The following C2 variants were observed in gnomAD, a reference collection of about 807,000 sequenced individuals.
C2 encodes the protein C3/C5 convertase.
C2 carries 64 observed loss-of-function variants against 85.2 expected under a neutral mutation model. That is an observed-to-expected ratio of 0.75 (90% CI 0.61 to 0.92). The LOEUF (loss-of-function observed/expected upper bound fraction) is 0.92. Ranked by LOEUF, C2 falls within the 40% of genes least tolerant of loss-of-function variation. The pLI is 0.00. For missense variants in C2, 820 were observed against 971.6 expected (o/e 0.84, Z 2.07); for synonymous variants, 311 against 370.8 (o/e 0.84, Z 1.85).
At chr6:31,915,023 C>G (rs1159623831), upstream of C2, among the ~76,000 whole-genome samples, 2 of 152,132 alleles carry the variant, frequency 1.3e-5, no homozygotes, top group Non-Finnish European at 2.9e-5. Flanking sequence ...GTGGTCTATG[C>G]CTCAACGTTG....
intron 1 of C2, among the ~76,000 whole-genome samples, chr6:31,905,939 T>G (rs1331191071): frequency 6.6e-6 from 1 of 152,072 alleles, no homozygotes; most frequent in African/African-American, 2.4e-5. Context: ...TAGCAAACAT[T>G]GGACATTTGT....
intron 1 of C2, among the ~76,000 whole-genome samples, chr6:31,902,647 C>A (rs1003228425): frequency 1.3e-5 from 2 of 152,232 alleles, no homozygotes; most frequent in African/African-American, 4.8e-5. Context: ...AAGCTAGTAA[C>A]CGCCTCAGCC....
intron 6 of C2, chr6:31,934,652 A>G: frequency 4.6e-6 from 6 of 1,309,442 alleles, no homozygotes; most frequent in Non-Finnish European, 5.8e-6. Context: ...AATTTAAATC[A>G]GATTAATAAT....
intron 2 of C2, among the ~76,000 whole-genome samples, 158 bp from the exon 3 acceptor site, chr6:31,928,574 C>T (rs1174267980): frequency 2.0e-5 from 3 of 152,126 alleles, no homozygotes; most frequent in Admixed American, 6.5e-5. Context: ...AATCAGTTGC[C>T]AAAAACAGCA....
intron 1 of C2, among the ~76,000 whole-genome samples, chr6:31,902,390 C>T (rs923797745): frequency 1.3e-5 from 2 of 151,686 alleles, no homozygotes; most frequent in Non-Finnish European, 2.9e-5. Flanking sequence ...CCCGCCCGCG[C>T]CGCATCCCGC....
chr6:31,943,938 G>A lies in C2; in HGVS notation c.1755G>A (p.Thr585=), dbSNP rs755079799. 7.4e-6 allele frequency: 12 copies of A among 1,612,802 alleles called. No individual in the cohort carries two copies. In the South Asian group the frequency reaches 7.7e-5, roughly 10 times the overall value. ...CCAGGCCCATCTGCCTTCCCTGCAC[G>A]ATGGAGGCCAATCTGGCTCTGCGGA... ...THARPICLPC[T]MEANLALRRP... Residue 585 remains threonine (T), a synonymous_variant, in exon 14 of 18, where the codon ACG becomes ACA. Transcript: ENST00000299367. This position sits in a 1 kb window ranked among gnomAD's most constrained non-coding sequence, Gnocchi z 6.4.
At chr6:31,915,961 G>A (rs1381568665), upstream of C2, among the ~76,000 whole-genome samples, 2 of 152,232 alleles carry the variant, frequency 1.3e-5, no homozygotes, top group Non-Finnish European at 2.9e-5. Flanking sequence ...GGAACCAAAC[G>A]TGTCACAGCG....
At chr6:31,906,095 CTG>C (rs1767695591) in intron 1 of C2, among the ~76,000 whole-genome samples, 1 of 152,010 alleles carries the variant, frequency 6.6e-6, no homozygotes, top group Admixed American at 6.6e-5. Context: ...GCTGATGAAA[CTG>C]TCTTACATTA....
At chr6:31,908,057 A>G (rs1260908560) in intron 1 of C2, among the ~76,000 whole-genome samples, 1 of 151,218 alleles carries the variant, frequency 6.6e-6, no homozygotes, top group Non-Finnish European at 1.5e-5. Context: ...CATGTTGGCC[A>G]GGCTGGTCTT....
intron 3 of C2, among the ~76,000 whole-genome samples, chr6:31,932,923 G>A (rs1220025187): frequency 6.6e-6 from 1 of 152,252 alleles, no homozygotes; most frequent in African/African-American, 2.4e-5. Context: ...AGACCAGCCC[G>A]GCCAACACAG....
chr6:31,899,195 CCT>C (rs1188216814), upstream of C2, among the ~76,000 whole-genome samples: 1 of 150,604 alleles, frequency 6.6e-6, no homozygotes, highest in Non-Finnish European at 1.5e-5. Context: ...TGTCTCTACT[CCT>C]CTCCCTCCCT....
intron 6 of C2, 68 bp downstream of exon 6, chr6:31,934,367 CCCT>C: frequency 6.2e-7 from 1 of 1,606,370 alleles, no homozygotes; most frequent in South Asian, 1.1e-5. Context: ...TGTCTCCTTC[CCCT>C]CCTCAGAACC....
Position 31,944,703 on chromosome 6 carries a change from T to C in C2, c.1903-24T>C. ...CCCGGGTCTGCTTATTCTACCCTTC[T>C]CTCTGGTTCCACCCCTGCTGCAGTG... On this transcript the variant is annotated intron_variant, in intron 15 of 17. Transcript: ENST00000299367. This position sits in a 1 kb window ranked among gnomAD's most constrained non-coding sequence, Gnocchi z 5.1. The C allele has an allele frequency of 6.2e-7, 1 of 1,612,906 alleles. No homozygotes were observed. The highest frequency in any genetic ancestry group is 8.5e-7 in the Non-Finnish European group (1 of 1,180,010).
rs759460529 is a variant in C2, at chr6:31,933,749, CG to C, written c.586del (p.Val196SerfsTer58). On this transcript the variant is annotated frameshift_variant, in exon 4 of 18. Transcript: ENST00000299367. LOFTEE classifies it high-confidence loss of function. ...CTTCGGAGCGGGAGTGCCAGGGCAA[CG>C]GGGTCTGGAGTGGAACGGAGCCCAT... ...GSSERECQGN[G>X]VWSGTEPICR... 1 of 1,613,698 alleles carries C rather than the reference CG, an allele frequency of 6.2e-7. No homozygotes were observed. The highest frequency in any genetic ancestry group is 8.5e-7 in the Non-Finnish European group (1 of 1,180,032).
upstream of C2, among the ~76,000 whole-genome samples, chr6:31,925,208 A>G (rs1769189871): frequency 6.6e-6 from 1 of 152,178 alleles, no homozygotes; most frequent in Non-Finnish European, 1.5e-5. Flanking sequence ...TTTTTCCTGC[A>G]TTAGTAGAAA....
rs1554282202 is a variant in C2, at chr6:31,939,327, C to T, written c.1219+7C>T. 1 of 1,598,888 alleles carries T rather than the reference C, an allele frequency of 6.3e-7. No homozygotes were observed. Among genetic ancestry groups the T allele is most frequent in the Non-Finnish European group, 8.6e-7 (1 of 1,168,032 alleles). On this transcript the variant is annotated splice_region_variant and intron_variant, in intron 9 of 17. Transcript: ENST00000299367. ...AAGAGGAATGACTATCTGGGTGAGCCCCTGCCACTGCCACCACATTTGTTC... is the reference window on the plus strand; with the variant it reads ...AAGAGGAATGACTATCTGGGTGAGCTCCTGCCACTGCCACCACATTTGTTC...
In C2 at chr6:31,944,577, C is replaced by T. The variant is rs201641276; in HGVS notation, c.1903-150C>T. 3.2e-5 allele frequency: 28 copies of T among 874,138 alleles called. No homozygotes were observed. The highest frequency in any genetic ancestry group is 1.5e-4 in the East Asian group (6 of 41,142). The allele number at this position is 874,138 out of a possible 1,614,324, so 54.1% of individuals were successfully genotyped here. A position where few individuals can be genotyped will look rare whatever the true frequency, so the allele number is the denominator to read the frequency against. On this transcript the variant is annotated intron_variant, in intron 15 of 17. Transcript: ENST00000299367. This position sits in a 1 kb window ranked among gnomAD's most constrained non-coding sequence, Gnocchi z 5.1. ...TGTATTTTTAGTAGAGACGGGATTT[C>T]GCCATGTTGGCCAGGATGGTCTTGA...
intron 1 of C2, among the ~76,000 whole-genome samples, chr6:31,906,128 T>G (rs909008626): frequency 2.0e-5 from 3 of 151,922 alleles, no homozygotes; most frequent in African/African-American, 7.3e-5. Flanking sequence ...TCCAACTTCT[T>G]TCTCTTTCTC....
At chr6:31,909,025 T>C (rs528210661) in intron 1 of C2, among the ~76,000 whole-genome samples, 1 of 152,098 alleles carries the variant, frequency 6.6e-6, no homozygotes, top group South Asian at 2.1e-4. Flanking sequence ...TTGTAATAGT[T>C]TCAGTATCTA....
Sources: allele counts gnomAD v4.1 joint callset (sites outside exome capture counted in the v4.1 genomes callset), GRCh38; gene constraint gnomAD v4.1.1; non-coding constraint Gnocchi (gnomAD v3.1); transcripts MANE v1.5; gene names NCBI Gene and HGNC (gene_info 2026-07-23, HGNC 2026-07-21).